Variants in SNX29 observed in about 807,000 individuals in gnomAD.
The protein encoded by SNX29 is sorting nexin-29.
In SNX29, 78 loss-of-function variants were observed where a neutral mutation model predicts 102.1. That is an observed-to-expected ratio of 0.76 (90% CI 0.64 to 0.92). The LOEUF (loss-of-function observed/expected upper bound fraction) is 0.92, where lower values mean the gene tolerates loss of function less well. Among genes scored for constraint, SNX29 ranks in the 40% least tolerant of loss-of-function variants. SNX29 has a pLI of 0.00. For synonymous variants in SNX29, 580 were observed against 414.5 expected, an observed-to-expected ratio of 1.40 and a Z score of -4.85; for missense variants, 1,280 against 1,061.7, an observed-to-expected ratio of 1.21 and a Z score of -2.86.
At chr16:12,507,650 G>A (rs143710273) in intron 19 of SNX29, among the ~76,000 whole-genome samples, 1 of 152,160 alleles carries the variant, frequency 6.6e-6, no homozygotes, top group East Asian at 1.9e-4. Flanking sequence ...GACATGTCTG[G>A]ACTGAAGCTG....
In SNX29 at chr16:12,557,019, C is replaced by G. The variant is rs763203507; in HGVS notation, c.2319-11487C>G. ...CACACCACATCTGGCTAATTTACCC[C>G]CCCCCCGCCCCAAGATGAGGTCTTG... On this transcript the variant is annotated intron_variant, in intron 20 of 20. Coordinates refer to ENST00000566228, the MANE Select transcript of SNX29 (RefSeq NM_032167.5). Among the ~76,000 whole-genome samples, 13 of 38,680 alleles carry G rather than the reference C, an allele frequency of 3.4e-4. No homozygotes were observed. The South Asian group carries it at 6.0e-3, about 18-fold the overall frequency. 25.4% of individuals were successfully genotyped at this position (38,680 alleles called of 152,430 possible). A position where few individuals can be genotyped will look rare whatever the true frequency, so the allele number is the denominator to read the frequency against.
chr16:12,541,682 C>T (rs2077348743), intron 20 of SNX29, among the ~76,000 whole-genome samples: 1 of 152,302 alleles, frequency 6.6e-6, no homozygotes, highest in African/African-American at 2.4e-5. Context: ...CACCCGTTTA[C>T]CACTACCCTG....
chr16:12,224,465 C>G (rs780876708), intron 14 of SNX29, among the ~76,000 whole-genome samples: 1 of 152,156 alleles, frequency 6.6e-6, no homozygotes, highest in Non-Finnish European at 1.5e-5. Flanking sequence ...GGACGTGTTT[C>G]TTAACACGGT....
intron 15 of SNX29, among the ~76,000 whole-genome samples, chr16:12,347,722 C>A (rs1438704487): frequency 6.6e-6 from 1 of 151,318 alleles, no homozygotes; most frequent in Non-Finnish European, 1.5e-5. Flanking sequence ...CTCTTTCATC[C>A]CTTTGTACCT....
chr16:12,195,493 A>T (rs529492977), intron 13 of SNX29, among the ~76,000 whole-genome samples: 1 of 152,180 alleles, frequency 6.6e-6, no homozygotes, highest in Non-Finnish European at 1.5e-5. Context: ...GAGATGCCTA[A>T]GGGGGTTGGC....
chr16:12,568,314 A>AG (rs1405227360), intron 20 of SNX29, among the ~76,000 whole-genome samples, 192 bp from the exon 21 acceptor site: 1 of 151,558 alleles, frequency 6.6e-6, no homozygotes, highest in Non-Finnish European at 1.5e-5. Context: ...TAAAAAAAAA[A>AG]AAATGGAAAG....
chr16:12,124,727 G>A (rs1036267933), intron 11 of SNX29, among the ~76,000 whole-genome samples: 1 of 152,222 alleles, frequency 6.6e-6, no homozygotes, highest in African/African-American at 2.4e-5. Flanking sequence ...CCTGTCCACA[G>A]CATTTTCAAT....
Position 12,316,740 on chromosome 16 carries a change from GCCCCTGGCTT to G in SNX29, c.1782+38706_1782+38715del, listed in dbSNP as rs1303275045. Among the ~76,000 whole-genome samples, 6 of 152,172 alleles carry G rather than the reference GCCCCTGGCTT, an allele frequency of 3.9e-5. 1 individual carries two copies. The highest frequency in any genetic ancestry group is 1.4e-4 in the African/African-American group (6 of 41,516). ...TCCTTCTCTCCCATCCCTCCTTCCT[GCCCCTGGCTT>G]CTCTGCATCCTCTTCCCTCCTGGCT... On this transcript the variant is annotated intron_variant, in intron 15 of 20. Transcript: ENST00000566228.
At chr16:12,063,100 C>G (rs1429368520) in intron 9 of SNX29, among the ~76,000 whole-genome samples, 3 of 152,190 alleles carry the variant, frequency 2.0e-5, no homozygotes, top group Admixed American at 1.3e-4. Context: ...TGCTCTTGAG[C>G]ACAGTCCTGT....
Position 12,125,603 on chromosome 16 carries a change from C to CTTTTTT in SNX29, c.1403-1029_1403-1028insTTTTTT, listed in dbSNP as rs1273937330. Among the ~76,000 whole-genome samples, 4 of 71,496 alleles carry CTTTTTT rather than the reference C, an allele frequency of 5.6e-5. 1 individual carries two copies. The highest frequency in any genetic ancestry group is 2.7e-5 in the Non-Finnish European group (1 of 37,434). The allele number at this position is 71,496 out of a possible 152,430, so 46.9% of individuals were successfully genotyped here. Reference sequence around the variant, plus strand: ...CAAGGGGGGCTTGTGGCTGAGATCTCTCTTTTTTTTTTTTTTTTTTTTTTT... The same window carrying CTTTTTT: ...CAAGGGGGGCTTGTGGCTGAGATCTCTTTTTTTCTTTTTTTTTTTTTTTTTTTTTTT... On this transcript the variant is annotated intron_variant, in intron 11 of 20. Coordinates refer to ENST00000566228, the MANE Select transcript of SNX29 (RefSeq NM_032167.5).
intron 18 of SNX29, among the ~76,000 whole-genome samples, chr16:12,418,119 C>T (rs2084717432): frequency 1.3e-5 from 2 of 152,274 alleles, no homozygotes; most frequent in African/African-American, 4.8e-5. Flanking sequence ...TACCGAGTCA[C>T]TCCTGATAGT....
chr16:12,232,827 A>G (rs1050934384), intron 14 of SNX29, among the ~76,000 whole-genome samples: 6 of 152,218 alleles, frequency 3.9e-5, no homozygotes, highest in Non-Finnish European at 5.9e-5. Context: ...TGGTCCTTCA[A>G]AGTATCCTAT....
chr16:12,093,353 T>C (rs1027693998), intron 11 of SNX29, among the ~76,000 whole-genome samples: 1 of 152,200 alleles, frequency 6.6e-6, no homozygotes, highest in Non-Finnish European at 1.5e-5. Flanking sequence ...TTCCTGGCTG[T>C]AATCCCAACA....
At chr16:12,452,900 C>A (rs541993485) in intron 18 of SNX29, among the ~76,000 whole-genome samples, 1 of 152,144 alleles carries the variant, frequency 6.6e-6, no homozygotes, top group Non-Finnish European at 1.5e-5. Flanking sequence ...GCTGTCATTT[C>A]TTTTGTTATT....
At chr16:12,301,331 C>T (rs1482585568) in intron 15 of SNX29, among the ~76,000 whole-genome samples, 4 of 152,210 alleles carry the variant, frequency 2.6e-5, no homozygotes, top group Non-Finnish European at 5.9e-5. Flanking sequence ...CCTGCCTTAC[C>T]TGTCACCACA....
chr16:12,396,648 G>A (rs1230733587), intron 16 of SNX29, among the ~76,000 whole-genome samples: 1 of 152,170 alleles, frequency 6.6e-6, no homozygotes, highest in East Asian at 1.9e-4. Context: ...TCTAGAACGG[G>A]GCGTGGCCTT....
intron 20 of SNX29, among the ~76,000 whole-genome samples, chr16:12,532,589 C>G (rs1322717031): frequency 6.6e-6 from 1 of 152,004 alleles, no homozygotes; most frequent in Non-Finnish European, 1.5e-5. Context: ...ATCTGAAATC[C>G]CAGTCTGTCT....
chr16:12,462,016 T>TATATATATATATATATATATACAC (rs1555544564), intron 18 of SNX29, among the ~76,000 whole-genome samples: 1 of 65,210 alleles, frequency 1.5e-5, no homozygotes, highest in Non-Finnish European at 2.4e-5. Context: ...TATATATGTA[T>TATATATATATATATATATATACAC]ACACACACAC....
At chr16:12,094,875 C>T (rs1381183001) in intron 11 of SNX29, among the ~76,000 whole-genome samples, 1 of 151,662 alleles carries the variant, frequency 6.6e-6, no homozygotes, top group Non-Finnish European at 1.5e-5. Context: ...TTTTTTAAAA[C>T]CTCTCGCCTC....
Sources: allele counts gnomAD v4.1 joint callset (sites outside exome capture counted in the v4.1 genomes callset), GRCh38; gene constraint gnomAD v4.1.1; transcripts MANE v1.5; gene names NCBI Gene and HGNC (gene_info 2026-07-23, HGNC 2026-07-21).